Variants in PCCB observed in about 807,000 individuals in gnomAD.
The protein encoded by PCCB is propionyl-CoA carboxylase subunit beta.
A neutral mutation model predicts 60.7 loss-of-function variants in PCCB; 43 were observed. The ratio of observed to expected loss-of-function variants is 0.71; its 90% confidence interval spans 0.55 to 0.91. PCCB has a LOEUF of 0.91. Ranked by LOEUF, PCCB falls within the 40% of genes least tolerant of loss-of-function variation. PCCB has a pLI of 0.00. For synonymous variants in PCCB, 276 were observed against 255.9 expected, an observed-to-expected ratio of 1.08 and a Z score of -0.75; for missense variants, 766 against 702.8, an observed-to-expected ratio of 1.09 and a Z score of -1.02.
chr3:136,327,773 C>T (rs1182237062), intron 13 of PCCB, 41 bp downstream of exon 13: 9 of 1,467,954 alleles, frequency 6.1e-6, no homozygotes, highest in African/African-American at 2.8e-5. Flanking sequence ...TCCAAGGACT[C>T]GACTCTACCA....
At chr3:136,251,219 C>T (rs1426481117) in intron 1 of PCCB, 1 of 456,478 alleles carries the variant, frequency 2.2e-6, no homozygotes, top group Non-Finnish European at 4.4e-6. Flanking sequence ...GAAACACTGC[C>T]ACCCACCGCC....
intron 5 of PCCB, among the ~76,000 whole-genome samples, chr3:136,268,087 GATATAT>G (rs61160895): frequency 0.035 from 3,264 of 93,616 alleles, 194 homozygotes; most frequent in African/African-American, 0.12. Flanking sequence ...TGTGTGTGTA[GATATAT>G]ATATATATAT....
At chr3:136,311,592 G>A (rs1445900282) in intron 9 of PCCB, among the ~76,000 whole-genome samples, 1 of 151,944 alleles carries the variant, frequency 6.6e-6, no homozygotes, top group Non-Finnish European at 1.5e-5. Context: ...CTTCTGCCTT[G>A]GCCTTCCAAA....
At chr3:136,326,443 A>G in intron 10 of PCCB, 1 of 701,340 alleles carries the variant, frequency 1.4e-6, no homozygotes, top group South Asian at 1.5e-5. Context: ...TGCCATCATC[A>G]GTGGAGCCAG....
intron 3 of PCCB, chr3:136,260,199 G>C (rs1012838525): frequency 4.2e-5 from 20 of 480,342 alleles, no homozygotes; most frequent in Non-Finnish European, 6.5e-5. Flanking sequence ...TCAGCCTCCC[G>C]AGTAGCTGGG....
At chr3:136,309,262 C>CAAAAAA (rs1202774808) in intron 9 of PCCB, among the ~76,000 whole-genome samples, 3 of 46,928 alleles carry the variant, frequency 6.4e-5, no homozygotes, top group Admixed American at 2.3e-4. Flanking sequence ...GACTCCATCT[C>CAAAAAA]AAAAAAAAAA....
At chr3:136,281,532 C>T (rs1166566181) in intron 5 of PCCB, among the ~76,000 whole-genome samples, 1 of 151,912 alleles carries the variant, frequency 6.6e-6, no homozygotes, top group Non-Finnish European at 1.5e-5. Flanking sequence ...GTAGTTTTTT[C>T]CCCCCACAGC....
intron 5 of PCCB, among the ~76,000 whole-genome samples, chr3:136,279,071 G>T (rs939606337): frequency 6.6e-6 from 1 of 152,056 alleles, no homozygotes; most frequent in Non-Finnish European, 1.5e-5. Flanking sequence ...GTAAGTTTTT[G>T]ATTTAAAGTC....
At chr3:136,264,419 C>T (rs1163114838) in intron 5 of PCCB, among the ~76,000 whole-genome samples, 8 of 119,572 alleles carry the variant, frequency 6.7e-5, no homozygotes, top group African/African-American at 3.0e-4. Flanking sequence ...CTGTCTCTGT[C>T]TCTCATATAT....
chr3:136,310,987 A>T (rs1480216552), intron 9 of PCCB, among the ~76,000 whole-genome samples: 1 of 152,162 alleles, frequency 6.6e-6, no homozygotes, highest in Non-Finnish European at 1.5e-5. Flanking sequence ...CCTAATAAAG[A>T]CTAGCTTCTA....
chr3:136,270,528 CAG>C (rs1942168372), intron 5 of PCCB, among the ~76,000 whole-genome samples: 1 of 151,940 alleles, frequency 6.6e-6, no homozygotes, highest in Admixed American at 6.6e-5. Flanking sequence ...CCGCTGTAGG[CAG>C]AGTCTTGCTC....
chr3:136,299,078 C>G (rs1934072140), intron 8 of PCCB, among the ~76,000 whole-genome samples: 1 of 152,006 alleles, frequency 6.6e-6, no homozygotes, highest in Non-Finnish European at 1.5e-5. Flanking sequence ...TTTGGAGTTC[C>G]TGAAGGGTTT....
At position 136,299,236 on chromosome 3, in the gene PCCB, G is replaced by A. The variant is rs148648772; in HGVS notation, c.884+1164G>A. Among the ~76,000 whole-genome samples, 152 of 151,818 alleles carry A rather than the reference G, an allele frequency of 1.0e-3. 2 individuals are homozygous for A. The highest frequency in any genetic ancestry group is 6.8e-3 in the Middle Eastern group (2 of 294). Reference sequence around the variant, plus strand: ...CATATATATATGCATGTGTATATGCGTATATATGTATACGTGTATGTGTAT... The same window carrying A: ...CATATATATATGCATGTGTATATGCATATATATGTATACGTGTATGTGTAT... On this transcript the variant is annotated intron_variant, in intron 8 of 14. Transcript: ENST00000251654.
At chr3:136,321,131 T>C (rs1935093871) in intron 10 of PCCB, among the ~76,000 whole-genome samples, 2 of 152,224 alleles carry the variant, frequency 1.3e-5, no homozygotes, top group African/African-American at 4.8e-5. Flanking sequence ...GATTTTCTTA[T>C]GTTGAACTGC....
intron 7 of PCCB, among the ~76,000 whole-genome samples, chr3:136,294,915 G>T (rs1933865967): frequency 6.6e-6 from 1 of 152,170 alleles, no homozygotes; most frequent in South Asian, 2.1e-4. Context: ...ACCATGTCCG[G>T]CTAGTTGTTC....
At chr3:136,299,157 T>C (rs988835592) in intron 8 of PCCB, among the ~76,000 whole-genome samples, 3 of 152,092 alleles carry the variant, frequency 2.0e-5, no homozygotes, top group Non-Finnish European at 4.4e-5. Flanking sequence ...TTGGCCCAGC[T>C]ATACCTCTTC....
At chr3:136,314,007 T>C (rs1934776405) in intron 9 of PCCB, among the ~76,000 whole-genome samples, 2 of 151,480 alleles carry the variant, frequency 1.3e-5, no homozygotes, top group African/African-American at 4.9e-5. Flanking sequence ...TTCATATAGC[T>C]GGACTTTGGA....
chr3:136,274,949 T>C (rs1942302378), intron 5 of PCCB, among the ~76,000 whole-genome samples: 1 of 152,046 alleles, frequency 6.6e-6, no homozygotes. Flanking sequence ...TATCTGGGAC[T>C]ACAGGCACAT....
Position 136,327,204 on chromosome 3 carries a change from C to T in PCCB, c.1248C>T (p.Leu416=), listed in dbSNP as rs747022334. The T allele has an allele frequency of 1.2e-6, 2 of 1,614,194 alleles. No individual in the cohort carries two copies. Among genetic ancestry groups the T allele is most frequent in the Admixed American group, 1.7e-5 (1 of 60,020 alleles). ...TCATCCGGCATGGTGCCAAGCTTCT[C>T]TACGCATTTGCTGAGGCAACTGTAC... ...GGIIRHGAKL[L]YAFAEATVPK... The change falls in exon 12 of 15, where the codon CTC becomes CTT. Residue 416 remains leucine, a synonymous_variant. Transcript: ENST00000251654.
Sources: allele counts gnomAD v4.1 joint callset (sites outside exome capture counted in the v4.1 genomes callset), GRCh38; gene constraint gnomAD v4.1.1; transcripts MANE v1.5; gene names NCBI Gene and HGNC (gene_info 2026-07-23, HGNC 2026-07-21).